The following ATP2B2 variants were observed in gnomAD, a reference collection of about 807,000 sequenced individuals.
The protein encoded by ATP2B2 is ATPase plasma membrane Ca2+ transporting 2.
In ATP2B2, 15 loss-of-function variants were observed where a neutral mutation model predicts 120.0. The observed-to-expected ratio is 0.12, with a 90% CI of 0.08 to 0.19. The LOEUF (loss-of-function observed/expected upper bound fraction) is 0.19. ATP2B2 is among the 10% of genes least tolerant of loss of function. The probability of loss-of-function intolerance (pLI) is 1.00; values close to 1 mark genes in which losing one functional copy is unlikely to be tolerated. For synonymous variants in ATP2B2, 694 were observed against 700.3 expected (o/e 0.99, Z 0.14); for missense variants, 1,045 against 1,719.8 (o/e 0.61, Z 6.94).
chr3:10,375,609 C>T lies in ATP2B2; in HGVS notation c.1237G>A (p.Val413Met). The T allele has an allele frequency of 6.2e-7, 1 of 1,613,758 alleles. No individual in the cohort carries two copies. The highest frequency in any genetic ancestry group is 8.5e-7 in the Non-Finnish European group (1 of 1,180,030). Residue 413 changes from valine to methionine, a missense_variant, in exon 11 of 23, where the codon GTG (valine) becomes ATG (methionine). Coordinates refer to ENST00000360273, the MANE Select transcript of ATP2B2 (RefSeq NM_001001331.4). The surrounding 1 kb of genome is among the most constrained non-coding windows in gnomAD (Gnocchi z 4.2). ...VMSAITVIIL[V>M]LYFTVDTFVV... is the part of the protein sequence containing the mutation. ...AAGGTGTCCACAGTGAAGTAGAGCA[C>T]CAGGATGATCACCGTGATGGCTGAC...
At chr3:10,687,299 T>C (rs2071547230) in intron 1 of ATP2B2, among the ~76,000 whole-genome samples, 1 of 152,040 alleles carries the variant, frequency 6.6e-6, no homozygotes. Flanking sequence ...AACATAATCC[T>C]CATAAAATGC....
intron 12 of ATP2B2, among the ~76,000 whole-genome samples, chr3:10,368,073 TGACTTGG>T (rs1274803361): frequency 6.6e-6 from 1 of 152,124 alleles, no homozygotes; most frequent in Admixed American, 6.5e-5. Flanking sequence ...ACCCATGGGG[TGACTTGG>T]GACAAATCCC....
chr3:10,684,137 T>C (rs905850579), intron 1 of ATP2B2, among the ~76,000 whole-genome samples: 3 of 152,166 alleles, frequency 2.0e-5, no homozygotes, highest in African/African-American at 7.2e-5. Flanking sequence ...CCAATCATGG[T>C]AGCTCATCCT....
rs141293076 is a variant in ATP2B2 at position 10,465,805 on chromosome 3, G to C, written c.-319-15943C>G. On this transcript the variant is annotated intron_variant, in intron 1 of 22. Transcript: ENST00000360273. The stretch of plus-strand genomic sequence containing the variant: ...GGTTTGGGCCTGCTACGAAATGGGT[G>C]CTAGGTTGGGGGGCGTGTGCAGGTG... 6.5e-4 allele frequency among the ~76,000 whole-genome samples: 99 copies of C among 152,342 alleles called. 1 individual carries two copies. Among genetic ancestry groups the C allele is most frequent in the African/African-American group, 2.2e-3 (92 of 41,564 alleles).
intron 1 of ATP2B2, among the ~76,000 whole-genome samples, chr3:10,683,754 G>GTT (rs1429951670): frequency 1.7e-4 from 5 of 29,566 alleles, no homozygotes; most frequent in African/African-American, 8.8e-4. Context: ...ATATATGTGT[G>GTT]TGTGTGTATA....
At chr3:10,694,306 T>C (rs543296318) in intron 1 of ATP2B2, among the ~76,000 whole-genome samples, 1 of 152,326 alleles carries the variant, frequency 6.6e-6, no homozygotes, top group African/African-American at 2.4e-5. Flanking sequence ...GTACTACCCC[T>C]TTACAGCCGA....
intron 2 of ATP2B2, among the ~76,000 whole-genome samples, chr3:10,603,427 GAGA>G (rs747159600): frequency 1.3e-5 from 2 of 152,188 alleles, no homozygotes; most frequent in Non-Finnish European, 2.9e-5. Context: ...TTTAAAAATA[GAGA>G]AGTAGTCATT....
At chr3:10,538,025 A>C (rs918773441) in intron 2 of ATP2B2, among the ~76,000 whole-genome samples, 1 of 152,204 alleles carries the variant, frequency 6.6e-6, no homozygotes, top group African/African-American at 2.4e-5. Flanking sequence ...CTTTTTACAC[A>C]GTGTTGAATT....
chr3:10,401,468 C>A (rs150077767), intron 4 of ATP2B2, among the ~76,000 whole-genome samples: 1 of 152,112 alleles, frequency 6.6e-6, no homozygotes, highest in Non-Finnish European at 1.5e-5. Flanking sequence ...TTTAGAAGAC[C>A]GCAACCAAGT....
chr3:10,394,546 T>C (rs1315107254), intron 5 of ATP2B2: 5 of 467,972 alleles, frequency 1.1e-5, no homozygotes, highest in African/African-American at 2.0e-5. Flanking sequence ...CAGGGTAGTG[T>C]AATGGAGAGA....
chr3:10,484,535 C>T lies in ATP2B2; in HGVS notation c.-320+20930G>A, dbSNP rs2125332028. Among the ~76,000 whole-genome samples, 3 of 152,252 alleles carry T rather than the reference C, an allele frequency of 2.0e-5. No individual in the cohort carries two copies. The South Asian group carries it at 6.2e-4, about 32-fold the overall frequency. Reference sequence around the variant, plus strand: ...ACCTGCTGCTGCCACCACCCCTCTGCCTGTATGAGTTCCTCACGGCCTGTC... The same window carrying T: ...ACCTGCTGCTGCCACCACCCCTCTGTCTGTATGAGTTCCTCACGGCCTGTC... On this transcript the variant is annotated intron_variant, in intron 1 of 22. Transcript: ENST00000360273.
chr3:10,338,111 A>T (rs1035952487), intron 22 of ATP2B2, 65 bp downstream of exon 22: 13 of 1,601,158 alleles, frequency 8.1e-6, no homozygotes, highest in Non-Finnish European at 1.1e-5. Flanking sequence ...GCACAAGCAC[A>T]CTCACCTCCA....
intron 2 of ATP2B2, among the ~76,000 whole-genome samples, chr3:10,593,729 T>C (rs895342043): frequency 1.3e-5 from 2 of 152,098 alleles, no homozygotes; most frequent in Non-Finnish European, 2.9e-5. Context: ...CTAATTAAAC[T>C]AAAGAACTTC....
At chr3:10,663,088 G>A (rs957223391) in intron 1 of ATP2B2, among the ~76,000 whole-genome samples, 1 of 101,880 alleles carries the variant, frequency 9.8e-6, no homozygotes. Context: ...ACCGGGGCCT[G>A]TTTTGGGGTG....
chr3:10,349,624 G>T (rs142027482), intron 16 of ATP2B2, among the ~76,000 whole-genome samples: 1 of 152,000 alleles, frequency 6.6e-6, no homozygotes, highest in South Asian at 2.1e-4. Context: ...GGTCACAAAC[G>T]TTGGTTGGGG....
intron 2 of ATP2B2, among the ~76,000 whole-genome samples, chr3:10,421,090 A>AG (rs1224317393): frequency 3.3e-5 from 5 of 152,158 alleles, no homozygotes. Context: ...TGGATGGGGC[A>AG]GGGCCAGCTG....
intron 11 of ATP2B2, among the ~76,000 whole-genome samples, chr3:10,372,730 CCTTTT>C (rs2061278632): frequency 6.6e-6 from 1 of 152,132 alleles, no homozygotes; most frequent in African/African-American, 2.4e-5. Flanking sequence ...ATATCAACAT[CCTTTT>C]TTTTTGAAAT....
intron 12 of ATP2B2, 109 bp downstream of exon 12, chr3:10,371,700 A>ATAT (rs1266299360): frequency 1.1e-5 from 17 of 1,539,382 alleles, no homozygotes; most frequent in Admixed American, 1.8e-5. Flanking sequence ...ATACCAAAAT[A>ATAT]TATTAGCAGG....
chr3:10,638,194 A>T (rs937134572), intron 1 of ATP2B2, among the ~76,000 whole-genome samples: 3 of 152,216 alleles, frequency 2.0e-5, no homozygotes, highest in Non-Finnish European at 4.4e-5. Flanking sequence ...TCCTCATAAG[A>T]AAGGAAGAGT....
Sources: gnomAD v4.1 joint callset for allele counts (sites outside exome capture counted in the v4.1 genomes callset) on GRCh38, gnomAD v4.1.1 for gene constraint, Gnocchi (gnomAD v3.1) non-coding constraint, MANE v1.5 for transcripts, NCBI Gene and HGNC (gene_info 2026-07-23, HGNC 2026-07-21) for gene names.